IGSF21: variants seen among roughly 807,000 people sequenced by gnomAD.
IGSF21 encodes the protein immunoglobin superfamily member 21, also known as immunoglobulin superfamily member 21.
In IGSF21, 28 loss-of-function variants were observed where a neutral mutation model predicts 46.8. The ratio of observed to expected loss-of-function variants is 0.60; its 90% CI spans 0.44 to 0.82. IGSF21 has a LOEUF of 0.82. Among genes scored for constraint, IGSF21 ranks in the 40% least tolerant of loss-of-function variants. IGSF21 has a pLI of 0.00. For synonymous variants in IGSF21, 284 were observed against 273.6 expected (o/e 1.04, Z -0.38); for missense variants, 624 against 665.5 (o/e 0.94, Z 0.69).
intron 1 of IGSF21, among the ~76,000 whole-genome samples, chr1:18,117,340 C>T (rs1304151032): frequency 1.2e-4 from 19 of 152,182 alleles, no homozygotes; most frequent in Admixed American, 1.2e-3. Context: ...GAGTGTGTAC[C>T]TTGGGCTTGA....
intron 4 of IGSF21, among the ~76,000 whole-genome samples, chr1:18,350,784 G>C (rs2085944228): frequency 6.6e-6 from 1 of 152,158 alleles, no homozygotes; most frequent in Non-Finnish European, 1.5e-5. Context: ...CTCTGACTCG[G>C]GAAATCAATC....
chr1:18,199,763 G>A (rs148060491), intron 1 of IGSF21, among the ~76,000 whole-genome samples: 8 of 152,128 alleles, frequency 5.3e-5, no homozygotes, highest in East Asian at 1.9e-4. Flanking sequence ...TCTGCTCCAC[G>A]CCTGGTAATC....
At chr1:18,253,983 A>C (rs1243313166) in intron 2 of IGSF21, among the ~76,000 whole-genome samples, 5 of 152,234 alleles carry the variant, frequency 3.3e-5, no homozygotes, top group Non-Finnish European at 1.5e-5. Context: ...GCTAATCCTC[A>C]GTGCTGATTG....
intron 1 of IGSF21, among the ~76,000 whole-genome samples, chr1:18,151,809 G>A (rs1474256473): frequency 6.6e-6 from 1 of 152,146 alleles, no homozygotes; most frequent in Non-Finnish European, 1.5e-5. Flanking sequence ...CCACAACCTA[G>A]TAATTAAAGA....
At chr1:18,195,115 A>G (rs2086994607) in intron 1 of IGSF21, among the ~76,000 whole-genome samples, 1 of 152,242 alleles carries the variant, frequency 6.6e-6, no homozygotes, top group African/African-American at 2.4e-5. Flanking sequence ...TTACAATTCA[A>G]GGTGAGATTT....
intron 1 of IGSF21, among the ~76,000 whole-genome samples, chr1:18,195,072 C>T (rs1020351157): frequency 2.6e-5 from 4 of 152,190 alleles, no homozygotes; most frequent in African/African-American, 7.2e-5. Context: ...TCAATGATCT[C>T]CACCAGGCCA....
intron 1 of IGSF21, among the ~76,000 whole-genome samples, chr1:18,158,239 A>T (rs546657654): frequency 6.6e-6 from 1 of 152,210 alleles, no homozygotes; most frequent in African/African-American, 2.4e-5. Flanking sequence ...CACATCCTGC[A>T]CAGGACTCAC....
chr1:18,238,567 A>T (rs1028346486), intron 2 of IGSF21, among the ~76,000 whole-genome samples: 1 of 152,168 alleles, frequency 6.6e-6, no homozygotes, highest in African/African-American at 2.4e-5. Flanking sequence ...AATGGCAAGG[A>T]GACCACTTCC....
intron 1 of IGSF21, among the ~76,000 whole-genome samples, chr1:18,218,073 G>A (rs2084470580): frequency 6.6e-6 from 1 of 152,176 alleles, no homozygotes; most frequent in South Asian, 2.1e-4. Flanking sequence ...TGCTATAAAG[G>A]ACTGCCTGAG....
At chr1:18,248,709 C>T (rs938514543) in intron 2 of IGSF21, among the ~76,000 whole-genome samples, 2 of 152,128 alleles carry the variant, frequency 1.3e-5, no homozygotes, top group South Asian at 2.1e-4. Flanking sequence ...ATTCCCACAC[C>T]ATTCCTTTAC....
intron 2 of IGSF21, among the ~76,000 whole-genome samples, chr1:18,291,324 G>A (rs546199244): frequency 3.9e-5 from 6 of 152,326 alleles, no homozygotes; most frequent in South Asian, 2.1e-4. Context: ...CGCTGTCCCC[G>A]TCTGCATCGC....
chr1:18,289,105 G>A lies in IGSF21; in HGVS notation c.184-2761G>A, dbSNP rs569049053. Among the ~76,000 whole-genome samples the A allele has an allele frequency of 8.1e-4, 123 of 152,208 alleles. 1 individual carries two copies. The highest frequency in any genetic ancestry group is 3.4e-3 in the Middle Eastern group (1 of 294). On this transcript the variant is annotated intron_variant, in intron 2 of 9. Transcript: ENST00000251296. The stretch of plus-strand genomic sequence containing the variant: ...TCGTAATAAAACCCTCAGTCTCGGC[G>A]AATAAATTTGAGGAGACAGTTTTAC...
intron 3 of IGSF21, among the ~76,000 whole-genome samples, chr1:18,327,060 C>T (rs545014519): frequency 6.6e-6 from 1 of 152,296 alleles, no homozygotes; most frequent in South Asian, 2.1e-4. Flanking sequence ...GGCACCCAGG[C>T]AAATGTCATG....
chr1:18,178,838 G>C (rs567278538), intron 1 of IGSF21, among the ~76,000 whole-genome samples: 2 of 152,034 alleles, frequency 1.3e-5, no homozygotes, highest in African/African-American at 4.8e-5. Flanking sequence ...GCAGCAGTTC[G>C]GGGAGCGAGC....
chr1:18,363,193 C>T (rs1334092223), intron 5 of IGSF21, among the ~76,000 whole-genome samples: 1 of 152,172 alleles, frequency 6.6e-6, no homozygotes, highest in East Asian at 1.9e-4. Flanking sequence ...TTTTATAATA[C>T]TTTGGGTCTT....
intron 3 of IGSF21, among the ~76,000 whole-genome samples, chr1:18,295,557 T>C (rs2085304480): frequency 6.6e-6 from 1 of 152,034 alleles, no homozygotes; most frequent in Admixed American, 6.5e-5. Flanking sequence ...GCCATTTAGA[T>C]GGGTGGTCAG....
chr1:18,213,038 G>A (rs1197601472), intron 1 of IGSF21, among the ~76,000 whole-genome samples: 3 of 152,256 alleles, frequency 2.0e-5, no homozygotes, highest in South Asian at 4.1e-4. Context: ...GCCTTGGCCC[G>A]GGGCTTTCTC....
chr1:18,265,079 G>T (rs559907696), intron 2 of IGSF21, among the ~76,000 whole-genome samples: 3 of 152,156 alleles, frequency 2.0e-5, no homozygotes, highest in South Asian at 4.1e-4. Flanking sequence ...ATTTTATTTT[G>T]TTCTATTTTT....
intron 3 of IGSF21, among the ~76,000 whole-genome samples, chr1:18,298,847 G>A (rs1448462996): frequency 1.3e-5 from 2 of 152,158 alleles, no homozygotes; most frequent in East Asian, 1.9e-4. Context: ...CTTCACGCCC[G>A]TTGGCCTATA....
Sources: gnomAD v4.1 joint callset for allele counts (sites outside exome capture counted in the v4.1 genomes callset) on GRCh38, gnomAD v4.1.1 for gene constraint, MANE v1.5 for transcripts, NCBI Gene and HGNC (gene_info 2026-07-23, HGNC 2026-07-21) for gene names.